CPNE8: variants seen among roughly 807,000 people sequenced by gnomAD.
CPNE8 encodes the protein copine 8, also known as copine-8.
In CPNE8, 45 loss-of-function variants were observed where a neutral mutation model predicts 81.5. The observed-to-expected ratio is 0.55, with a 90% CI of 0.44 to 0.71. CPNE8 has a LOEUF of 0.71. Ranked by LOEUF, CPNE8 falls within the 30% of genes least tolerant of loss-of-function variation. The pLI is 0.00. For missense variants in CPNE8, 594 were observed against 672.1 expected (o/e 0.88, Z 1.28); for synonymous variants, 252 against 226.3 (o/e 1.11, Z -1.02).
chr12:38,680,655 A>G (rs967702759), intron 16 of CPNE8, among the ~76,000 whole-genome samples: 6 of 152,064 alleles, frequency 3.9e-5, no homozygotes, highest in Non-Finnish European at 8.8e-5. Context: ...AAATGACACT[A>G]CTGTCACCTC....
intron 6 of CPNE8, among the ~76,000 whole-genome samples, chr12:38,795,816 A>G (rs1942446712): frequency 6.6e-6 from 1 of 152,028 alleles, no homozygotes; most frequent in Non-Finnish European, 1.5e-5. Flanking sequence ...TATATTTAAC[A>G]CTACTAAACT....
At position 38,702,932 on chromosome 12, in the gene CPNE8, A is replaced by G. The variant is rs1328493932; in HGVS notation, c.915-11T>C. 2.6e-6 allele frequency: 4 copies of G among 1,564,482 alleles called. No individual in the cohort carries two copies. The highest frequency in any genetic ancestry group is 1.8e-5 in the Admixed American group (1 of 55,928). On this transcript the variant is annotated splice_polypyrimidine_tract_variant and intron_variant, in intron 13 of 19. Transcript: ENST00000331366. Reference sequence around the variant, plus strand: ...AAATTGATTTGCGTCCTGGAATAGAAGTAAACAAGACTCATTAATAATGAA... The same window carrying G: ...AAATTGATTTGCGTCCTGGAATAGAGGTAAACAAGACTCATTAATAATGAA...
chr12:38,722,231 A>G (rs1940583865), intron 13 of CPNE8, among the ~76,000 whole-genome samples: 1 of 152,222 alleles, frequency 6.6e-6, no homozygotes, highest in Non-Finnish European at 1.5e-5. Flanking sequence ...ATCTTCTGAA[A>G]ATAAAAATAG....
intron 8 of CPNE8, 125 bp downstream of exon 8, chr12:38,767,510 T>C (rs1941713858): frequency 7.1e-6 from 4 of 562,782 alleles, no homozygotes; most frequent in African/African-American, 2.0e-5. Flanking sequence ...AAAAATCATA[T>C]CAATTTTTAA....
At chr12:38,670,926 T>C (rs1939161129) in intron 18 of CPNE8, 124 bp from the exon 19 acceptor site, 1 of 621,426 alleles carries the variant, frequency 1.6e-6, no homozygotes, top group East Asian at 2.9e-5. Flanking sequence ...GAAAGCATGT[T>C]GATCCCTTCA....
intron 6 of CPNE8, among the ~76,000 whole-genome samples, chr12:38,782,805 C>CCATCTCAGCTAGG: frequency 6.6e-6 from 1 of 152,012 alleles, no homozygotes; most frequent in African/African-American, 2.4e-5. Flanking sequence ...CTCAGCCTTC[C>CCATCTCAGCTAGG]AAGTAGCTAG....
chr12:38,734,502 C>T (rs1279546914), intron 10 of CPNE8, among the ~76,000 whole-genome samples: 1 of 151,954 alleles, frequency 6.6e-6, no homozygotes, highest in African/African-American at 2.4e-5. Flanking sequence ...GAAGGCCACC[C>T]TTCAATAGAT....
chr12:38,845,504 T>A (rs530990529), intron 4 of CPNE8, among the ~76,000 whole-genome samples: 1 of 152,104 alleles, frequency 6.6e-6, no homozygotes, highest in Non-Finnish European at 1.5e-5. Context: ...TATTGCCTAC[T>A]TTAATCTTTT....
At chr12:38,725,428 G>C (rs1940672080) in intron 11 of CPNE8, among the ~76,000 whole-genome samples, 2 of 152,092 alleles carry the variant, frequency 1.3e-5, no homozygotes, top group African/African-American at 4.8e-5. Flanking sequence ...TCGACTATTT[G>C]ATCCATAAGT....
At chr12:38,719,969 G>A (rs1457305321) in intron 13 of CPNE8, among the ~76,000 whole-genome samples, 1 of 152,066 alleles carries the variant, frequency 6.6e-6, no homozygotes, top group Non-Finnish European at 1.5e-5. Context: ...TATTTCCCCA[G>A]GCCCCATTTG....
chr12:38,781,369 A>C (rs1942049573), intron 6 of CPNE8, among the ~76,000 whole-genome samples: 1 of 152,160 alleles, frequency 6.6e-6, no homozygotes, highest in Non-Finnish European at 1.5e-5. Context: ...TAATTATATA[A>C]AAATTAAATT....
chr12:38,701,334 T>TTCTC (rs1362048743), intron 14 of CPNE8, among the ~76,000 whole-genome samples: 1 of 152,214 alleles, frequency 6.6e-6, no homozygotes, highest in African/African-American at 2.4e-5. Context: ...TATCTGTTTC[T>TTCTC]TCTCAAGTCA....
intron 10 of CPNE8, among the ~76,000 whole-genome samples, chr12:38,730,744 T>G (rs1309603141): frequency 6.6e-6 from 1 of 151,580 alleles, no homozygotes; most frequent in Non-Finnish European, 1.5e-5. Context: ...GGATATATAT[T>G]TTTAAAATAT....
intron 7 of CPNE8, among the ~76,000 whole-genome samples, chr12:38,773,058 AT>A (rs1425309362): frequency 6.6e-6 from 1 of 152,148 alleles, no homozygotes; most frequent in African/African-American, 2.4e-5. Flanking sequence ...TAAGACAGCC[AT>A]AAAAAGATAA....
chr12:38,758,456 C>A (rs935036429), intron 10 of CPNE8, among the ~76,000 whole-genome samples: 1 of 152,080 alleles, frequency 6.6e-6, no homozygotes, highest in Non-Finnish European at 1.5e-5. Flanking sequence ...GTCCAATGTC[C>A]AGGTTGAAGC....
rs59710225 is a variant in CPNE8, at chr12:38,653,617, T to TAAAAAAAAAAA, written c.*254_*264dup. ...TACATTGGAAATTAGCTGTTTCTGT[T>TAAAAAAAAAAA]AAAAAAAAAAAGAAAGAAAGATTTA... On this transcript the variant is annotated 3_prime_UTR_variant, in exon 20 of 20. Transcript: ENST00000331366. The TAAAAAAAAAAA allele has an allele frequency of 0.046, 6,729 of 147,872 alleles. 184 individuals carry two copies. Among genetic ancestry groups the TAAAAAAAAAAA allele is most frequent in the Middle Eastern group, 0.1 (36 of 348 alleles). 9.2% of individuals were successfully genotyped at this position (147,872 alleles called of 1,614,324 possible). A position where few individuals can be genotyped will look rare whatever the true frequency, so the allele number is the denominator to read the frequency against.
chr12:38,758,555 G>A lies in CPNE8; in HGVS notation c.722+2292C>T, dbSNP rs552874938. Among the ~76,000 whole-genome samples the A allele has an allele frequency of 1.7e-3, 261 of 152,246 alleles. 3 individuals carry two copies. The highest frequency in any genetic ancestry group is 0.01 in the Middle Eastern group (3 of 294). On this transcript the variant is annotated intron_variant, in intron 10 of 19. Coordinates refer to ENST00000331366, the MANE Select transcript of CPNE8 (RefSeq NM_153634.3). The stretch of plus-strand genomic sequence containing the variant: ...ATATACTATTGGAAGTGAACTGCCA[G>A]GGTTCAAGCCCTGGTTCCACCATTG...
intron 10 of CPNE8, among the ~76,000 whole-genome samples, chr12:38,735,513 C>CT (rs1940933282): frequency 6.6e-6 from 1 of 151,590 alleles, no homozygotes; most frequent in African/African-American, 2.4e-5. Context: ...TTAGCTCTCT[C>CT]TGATTTTGCT....
chr12:38,833,727 C>T (rs1023290778), intron 5 of CPNE8, among the ~76,000 whole-genome samples: 8 of 152,014 alleles, frequency 5.3e-5, no homozygotes, highest in African/African-American at 1.9e-4. Flanking sequence ...ATCTGCCCGC[C>T]TTGTCCTCCC....
Sources: allele counts gnomAD v4.1 joint callset (sites outside exome capture counted in the v4.1 genomes callset), GRCh38; gene constraint gnomAD v4.1.1; transcripts MANE v1.5; gene names NCBI Gene and HGNC (gene_info 2026-07-23, HGNC 2026-07-21).